Variants in TMEM117 observed in about 807,000 individuals in gnomAD.
The protein encoded by TMEM117 is transmembrane protein 117.
A neutral mutation model predicts 52.4 loss-of-function variants in TMEM117; 27 were observed. That is an observed-to-expected ratio of 0.51 (90% CI 0.38 to 0.71). The LOEUF is 0.71. Among genes scored for constraint, TMEM117 ranks in the 30% least tolerant of loss-of-function variants. TMEM117 has a pLI of 0.00. For synonymous variants in TMEM117, 215 were observed against 206.3 expected, an observed-to-expected ratio of 1.04 and a Z score of -0.36; for missense variants, 556 against 630.5, an observed-to-expected ratio of 0.88 and a Z score of 1.26.
chr12:43,838,030 T>G (rs963933719), intron 1 of TMEM117, among the ~76,000 whole-genome samples: 7 of 152,246 alleles, frequency 4.6e-5, no homozygotes, highest in Non-Finnish European at 1.0e-4. Context: ...ATTGATTGAC[T>G]TAAAAGGTTG....
intron 2 of TMEM117, among the ~76,000 whole-genome samples, chr12:43,929,687 A>C (rs1944841032): frequency 6.6e-6 from 1 of 152,136 alleles, no homozygotes; most frequent in Non-Finnish European, 1.5e-5. Flanking sequence ...CATTCACACA[A>C]TCACTGTTTA....
the TMEM117 span, chr12:43,805,721 G>A: frequency 3.8e-5 from 41 of 1,085,928 alleles, no homozygotes; most frequent in Non-Finnish European, 4.4e-5. Context: ...AGAAAATGCG[G>A]GAGAGTTTTG....
intron 3 of TMEM117, among the ~76,000 whole-genome samples, chr12:44,045,188 A>T (rs1364744301): frequency 6.6e-6 from 1 of 152,116 alleles, no homozygotes; most frequent in African/African-American, 2.4e-5. Context: ...GATGGCAGGG[A>T]TGGAGGTTAC....
chr12:44,073,109 A>G (rs995216402), intron 3 of TMEM117, among the ~76,000 whole-genome samples: 13 of 151,674 alleles, frequency 8.6e-5, no homozygotes, highest in African/African-American at 3.1e-4. Context: ...AAAAACAACA[A>G]AAAAACAACC....
At chr12:44,333,604 A>G (rs1450806998) in intron 6 of TMEM117, among the ~76,000 whole-genome samples, 1 of 151,940 alleles carries the variant, frequency 6.6e-6, no homozygotes, top group Non-Finnish European at 1.5e-5. Flanking sequence ...CCACCATGTG[A>G]AGAAGGACAT....
intron 2 of TMEM117, among the ~76,000 whole-genome samples, chr12:43,931,844 A>G (rs1451653355): frequency 6.6e-6 from 1 of 152,238 alleles, no homozygotes; most frequent in Admixed American, 6.5e-5. Context: ...GGACAACTTT[A>G]CATTCTTTGA....
At chr12:44,143,470 C>T in intron 3 of TMEM117, 55 bp from the exon 4 acceptor site, 1 of 1,406,302 alleles carries the variant, frequency 7.1e-7, no homozygotes. Context: ...ACCAGAAAGC[C>T]TTAACTGTAT....
At chr12:44,101,801 C>CA (rs1248795750) in intron 3 of TMEM117, among the ~76,000 whole-genome samples, 2 of 152,066 alleles carry the variant, frequency 1.3e-5, no homozygotes, top group Non-Finnish European at 2.9e-5. Flanking sequence ...GAGCATGTGG[C>CA]TGTCCTCCTT....
chr12:44,393,900 T>C (rs994855654), downstream of TMEM117, among the ~76,000 whole-genome samples: 1 of 152,208 alleles, frequency 6.6e-6, no homozygotes, highest in Non-Finnish European at 1.5e-5. Context: ...TTTGTCTCAA[T>C]ACAATTCCTA....
At chr12:44,137,516 T>C (rs1490812847) in intron 3 of TMEM117, among the ~76,000 whole-genome samples, 11 of 152,090 alleles carry the variant, frequency 7.2e-5, no homozygotes, top group Admixed American at 6.6e-4. Context: ...GTTGTCTTAG[T>C]CCATTTTCAC....
intron 3 of TMEM117, among the ~76,000 whole-genome samples, chr12:43,954,419 A>C (rs1288954592): frequency 2.0e-5 from 3 of 152,216 alleles, no homozygotes; most frequent in Non-Finnish European, 4.4e-5. Context: ...CTAATAAAGA[A>C]GAAGAGAAGA....
At chr12:44,321,820 G>A (rs965494689) in intron 6 of TMEM117, among the ~76,000 whole-genome samples, 5 of 152,176 alleles carry the variant, frequency 3.3e-5, no homozygotes. Flanking sequence ...ACATTAGTGT[G>A]TATTGTATAT....
At chr12:44,360,566 CAA>C (rs546423318) in intron 6 of TMEM117, among the ~76,000 whole-genome samples, 14 of 87,866 alleles carry the variant, frequency 1.6e-4, no homozygotes, top group Admixed American at 2.4e-4. Context: ...GACTCTGTCT[CAA>C]AAAAAAAAAA....
intron 5 of TMEM117, among the ~76,000 whole-genome samples, chr12:44,257,603 T>C (rs891393281): frequency 3.3e-5 from 5 of 152,148 alleles, no homozygotes; most frequent in Non-Finnish European, 5.9e-5. Context: ...TTCACTGGTA[T>C]TGGGGCAAAT....
intron 2 of TMEM117, among the ~76,000 whole-genome samples, chr12:43,864,873 G>C (rs936508635): frequency 2.6e-5 from 4 of 152,040 alleles, no homozygotes; most frequent in East Asian, 1.9e-4. Context: ...GGTCCACACT[G>C]CCTTTATGAG....
At chr12:43,840,967 A>G (rs1943107393) in intron 1 of TMEM117, among the ~76,000 whole-genome samples, 1 of 152,154 alleles carries the variant, frequency 6.6e-6, no homozygotes, top group Admixed American at 6.5e-5. Context: ...TTCTCTGGAT[A>G]ATATTGGGGT....
chr12:44,257,907 T>G (rs1017147310), intron 5 of TMEM117, among the ~76,000 whole-genome samples: 12 of 152,140 alleles, frequency 7.9e-5, no homozygotes, highest in Non-Finnish European at 1.3e-4. Context: ...CTTTCTGAAC[T>G]CATTGCTATT....
the TMEM117 span, among the ~76,000 whole-genome samples, chr12:43,820,274 T>C: frequency 2.6e-5 from 4 of 152,006 alleles, no homozygotes; most frequent in Non-Finnish European, 5.9e-5. Context: ...ATTTTTGTAT[T>C]TTTGTTTATT....
At chr12:43,880,388 T>G (rs1255693235) in intron 2 of TMEM117, among the ~76,000 whole-genome samples, 1 of 152,032 alleles carries the variant, frequency 6.6e-6, no homozygotes, top group African/African-American at 2.4e-5. Context: ...ACTTCAATTT[T>G]TATTCCTTTT....
Sources: gnomAD v4.1 joint callset for allele counts (sites outside exome capture counted in the v4.1 genomes callset) on GRCh38, gnomAD v4.1.1 for gene constraint, MANE v1.5 for transcripts, NCBI Gene and HGNC (gene_info 2026-07-23, HGNC 2026-07-21) for gene names.